The following PXDNL variants were observed in gnomAD, a reference collection of about 807,000 sequenced individuals.
PXDNL encodes the protein probable oxidoreductase PXDNL.
In PXDNL, 145 loss-of-function variants were observed where a neutral mutation model predicts 150.8. That is an observed-to-expected ratio of 0.96 (90% CI 0.84 to 1.10). PXDNL has a LOEUF of 1.10. Among genes scored for constraint, PXDNL ranks in the 50% least tolerant of loss-of-function variants. The pLI is 0.00. For synonymous variants in PXDNL, 757 were observed against 725.7 expected, an observed-to-expected ratio of 1.04 and a Z score of -0.69; for missense variants, 2,087 against 1,873.9, an observed-to-expected ratio of 1.11 and a Z score of -2.10.
At chr8:51,441,366 A>G (rs1809544767) in intron 12 of PXDNL, among the ~76,000 whole-genome samples, 1 of 152,188 alleles carries the variant, frequency 6.6e-6, no homozygotes, top group African/African-American at 2.4e-5. Context: ...TTGTATATGG[A>G]GAAGAGAGTT....
chr8:51,506,324 C>CCT (rs1811285355), intron 4 of PXDNL, among the ~76,000 whole-genome samples: 1 of 151,990 alleles, frequency 6.6e-6, no homozygotes, highest in Admixed American at 6.6e-5. Context: ...GGGCGGATCA[C>CCT]GAGATCAGGA....
intron 21 of PXDNL, among the ~76,000 whole-genome samples, chr8:51,336,244 T>G (rs1478164607): frequency 1.3e-5 from 2 of 152,232 alleles, no homozygotes; most frequent in Non-Finnish European, 2.9e-5. Flanking sequence ...GAAATATACA[T>G]GCCCTTTATC....
intron 2 of PXDNL, among the ~76,000 whole-genome samples, chr8:51,622,132 A>T (rs1055250387): frequency 6.6e-6 from 1 of 152,104 alleles, no homozygotes; most frequent in Non-Finnish European, 1.5e-5. Flanking sequence ...GGCTTCCAAG[A>T]TGCAGGGGCC....
At chr8:51,425,378 T>C (rs1809062733) in intron 13 of PXDNL, among the ~76,000 whole-genome samples, 1 of 152,196 alleles carries the variant, frequency 6.6e-6, no homozygotes, top group South Asian at 2.1e-4. Flanking sequence ...TTTTACAAAG[T>C]AGACGCTGAG....
intron 2 of PXDNL, among the ~76,000 whole-genome samples, chr8:51,610,145 T>C (rs1331786256): frequency 1.3e-5 from 2 of 152,196 alleles, no homozygotes; most frequent in Admixed American, 1.3e-4. Context: ...GTCAAGTTCC[T>C]TTAGGTGGTT....
chr8:51,784,062 G>C (rs952107504), intron 1 of PXDNL, among the ~76,000 whole-genome samples: 3 of 152,134 alleles, frequency 2.0e-5, no homozygotes, highest in Non-Finnish European at 4.4e-5. Flanking sequence ...TGATAGAATA[G>C]ATATGGCATA....
At chr8:51,689,910 G>A (rs1815955131) in intron 1 of PXDNL, among the ~76,000 whole-genome samples, 1 of 152,216 alleles carries the variant, frequency 6.6e-6, no homozygotes, top group Non-Finnish European at 1.5e-5. Context: ...CCACAGGGAT[G>A]TCTCCTCGAG....
intron 3 of PXDNL, among the ~76,000 whole-genome samples, chr8:51,568,185 T>C (rs951848245): frequency 7.9e-5 from 12 of 151,816 alleles, no homozygotes; most frequent in African/African-American, 2.4e-4. Context: ...ATATTTTACC[T>C]TGATTTATTC....
chr8:51,546,727 T>G (rs552010607), intron 4 of PXDNL, among the ~76,000 whole-genome samples: 81 of 152,260 alleles, frequency 5.3e-4, no homozygotes, highest in Non-Finnish European at 9.4e-4. Flanking sequence ...ACTTGCTTTC[T>G]CAGTCAGGAA....
chr8:51,506,586 C>A (rs1811298835), intron 4 of PXDNL, among the ~76,000 whole-genome samples: 2 of 141,352 alleles, frequency 1.4e-5, no homozygotes, highest in African/African-American at 5.2e-5. Flanking sequence ...CAGAAAAAGT[C>A]ATGTTTCTAC....
At position 51,715,060 on chromosome 8, in the gene PXDNL, G is replaced by A. The variant is rs12334832; in HGVS notation, c.165-60300C>T. Among the ~76,000 whole-genome samples the A allele has an allele frequency of 9.3e-3, 1,421 of 152,228 alleles. 18 individuals are homozygous for A. Among genetic ancestry groups the A allele is most frequent in the African/African-American group, 0.028 (1,159 of 41,518 alleles). On this transcript the variant is annotated intron_variant, in intron 1 of 22. Transcript: ENST00000356297. ...GCCATTTTCCTCAGCTCTTTAAAAG[G>A]CCTCTGTTGCTTCTTAAAAGATAAA...
At chr8:51,540,590 A>C (rs4285478) in intron 4 of PXDNL, among the ~76,000 whole-genome samples, 29,754 of 152,080 alleles carry the variant, frequency 0.2, 3,573 homozygotes, top group African/African-American at 0.32. Flanking sequence ...TATATGACTT[A>C]AATCCTTTAA....
intron 4 of PXDNL, among the ~76,000 whole-genome samples, chr8:51,546,227 C>T (rs1355230988): frequency 2.0e-5 from 3 of 152,128 alleles, no homozygotes; most frequent in Non-Finnish European, 4.4e-5. Flanking sequence ...ACATGCATTC[C>T]CACTGGGGAA....
intron 1 of PXDNL, among the ~76,000 whole-genome samples, chr8:51,743,234 T>C (rs1267172453): frequency 6.6e-6 from 1 of 152,068 alleles, no homozygotes; most frequent in Non-Finnish European, 1.5e-5. Flanking sequence ...TTTTGTTTTT[T>C]TGAGACAGGG....
chr8:51,808,248 T>C (rs2037699124), intron 1 of PXDNL, among the ~76,000 whole-genome samples: 1 of 152,236 alleles, frequency 6.6e-6, no homozygotes, highest in African/African-American at 2.4e-5. Flanking sequence ...CAAGCAGTTT[T>C]GTCTTCCATG....
chr8:51,502,671 T>G (rs1449398351), intron 4 of PXDNL, among the ~76,000 whole-genome samples: 1 of 152,130 alleles, frequency 6.6e-6, no homozygotes, highest in African/African-American at 2.4e-5. Context: ...GAAGTGTTTT[T>G]TTTTTTCCTT....
intron 4 of PXDNL, among the ~76,000 whole-genome samples, chr8:51,528,656 G>T (rs75290520): frequency 0.08 from 12,119 of 152,196 alleles, 564 homozygotes; most frequent in Middle Eastern, 0.13. Context: ...CTTAAAAGTG[G>T]AAAAGGGGGC....
chr8:51,674,485 G>C lies in PXDNL; in HGVS notation c.165-19725C>G, dbSNP rs78670216. Among the ~76,000 whole-genome samples the C allele has an allele frequency of 6.9e-3, 1,058 of 152,324 alleles. 19 individuals carry two copies. The highest frequency in any genetic ancestry group is 0.024 in the African/African-American group (1,005 of 41,566). On this transcript the variant is annotated intron_variant, in intron 1 of 22. Coordinates refer to ENST00000356297, the MANE Select transcript of PXDNL (RefSeq NM_144651.5). The stretch of plus-strand genomic sequence containing the variant: ...AGATTGCTTCCTTCAGATAACCTTG[G>C]ACTCAGGAGTTTTGTATTGTTCACT...
At chr8:51,801,143 C>A (rs1007838169) in intron 1 of PXDNL, among the ~76,000 whole-genome samples, 1 of 152,132 alleles carries the variant, frequency 6.6e-6, no homozygotes. Context: ...AAAAGAATTG[C>A]ATTCCTGGGG....
Sources: gnomAD v4.1 joint callset for allele counts (sites outside exome capture counted in the v4.1 genomes callset) on GRCh38, gnomAD v4.1.1 for gene constraint, MANE v1.5 for transcripts, NCBI Gene and HGNC (gene_info 2026-07-23, HGNC 2026-07-21) for gene names.